Variants in TCF4 observed in about 807,000 individuals in gnomAD.
TCF4 encodes SL3-3 enhancer factor 2.
TCF4 carries 3 observed loss-of-function variants against 82.1 expected under a neutral mutation model. The observed-to-expected ratio is 0.04, with a 90% CI of 0.02 to 0.09. The LOEUF (loss-of-function observed/expected upper bound fraction) is 0.09. Among genes scored for constraint, TCF4 ranks in the 10% least tolerant of loss-of-function variants. The pLI is 1.00. For synonymous variants in TCF4, 276 were observed against 309.6 expected (o/e 0.89, Z 1.14); for missense variants, 518 against 852.7 (o/e 0.61, Z 4.89).
intron 8 of TCF4, among the ~76,000 whole-genome samples, chr18:55,284,661 C>T (rs1266225190): frequency 6.6e-6 from 1 of 152,070 alleles, no homozygotes; most frequent in East Asian, 1.9e-4. Flanking sequence ...ATATACTTTC[C>T]AAAGAAAAAT....
intron 15 of TCF4, among the ~76,000 whole-genome samples, chr18:55,241,063 T>C (rs766064116): frequency 5.9e-5 from 9 of 152,236 alleles, no homozygotes; most frequent in Non-Finnish European, 1.0e-4. Context: ...ATGATCTAAA[T>C]GATCCTGACC....
intron 6 of TCF4, among the ~76,000 whole-genome samples, chr18:55,365,628 A>C (rs1325752023): frequency 4.6e-5 from 7 of 151,980 alleles, no homozygotes; most frequent in Admixed American, 4.6e-4. Flanking sequence ...GGCTGGGCAC[A>C]GTGGCTCATG....
intron 3 of TCF4, among the ~76,000 whole-genome samples, chr18:55,502,328 A>G (rs998397723): frequency 9.9e-5 from 15 of 152,244 alleles, no homozygotes; most frequent in African/African-American, 3.6e-4. Context: ...TTAGAGATCC[A>G]AAGACCAATA....
chr18:55,413,160 T>C (rs2958161), intron 5 of TCF4, among the ~76,000 whole-genome samples: 38,520 of 152,058 alleles, frequency 0.25, 5,150 homozygotes, highest in East Asian at 0.48. Context: ...ATACGGTATA[T>C]AGATATGTAT....
At chr18:55,403,545 T>G (rs753570836) in intron 5 of TCF4, 27 bp from the exon 6 acceptor site, 4 of 1,613,710 alleles carry the variant, frequency 2.5e-6, no homozygotes, top group Non-Finnish European at 3.4e-6. Context: ...CAAAAAAGTG[T>G]AAATTGTGTT....
chr18:55,612,271 A>G (rs2097707786), intron 2 of TCF4, among the ~76,000 whole-genome samples: 1 of 152,012 alleles, frequency 6.6e-6, no homozygotes, highest in African/African-American at 2.4e-5. Context: ...GGCACTCTTG[A>G]ATTGAGTGAG....
At chr18:55,620,564 T>C (rs1391348582) in intron 2 of TCF4, among the ~76,000 whole-genome samples, 1 of 152,182 alleles carries the variant, frequency 6.6e-6, no homozygotes, top group Non-Finnish European at 1.5e-5. Context: ...TTCTCTGTTC[T>C]ACGAACTCAG....
intron 2 of TCF4, among the ~76,000 whole-genome samples, chr18:55,622,297 A>T: frequency 6.6e-6 from 1 of 151,002 alleles, no homozygotes; most frequent in East Asian, 1.9e-4. Flanking sequence ...TCACGAGGTC[A>T]GGAGATCGAG....
At chr18:55,486,076 T>C (rs2096510250) in intron 3 of TCF4, among the ~76,000 whole-genome samples, 1 of 152,200 alleles carries the variant, frequency 6.6e-6, no homozygotes, top group African/African-American at 2.4e-5. Context: ...TACTTAGAAA[T>C]ATGGGACAGA....
chr18:55,619,070 A>T (rs2097715108), intron 2 of TCF4, among the ~76,000 whole-genome samples: 1 of 152,062 alleles, frequency 6.6e-6, no homozygotes, highest in African/African-American at 2.4e-5. Context: ...AATGTTTAGT[A>T]GAATTCACTA....
In TCF4 at chr18:55,302,320, T is replaced by C. The variant is rs906400811; in HGVS notation, c.550-22664A>G. 6 of 1,128,824 alleles carry C rather than the reference T, an allele frequency of 5.3e-6. No individual in the cohort carries two copies. In the South Asian group the frequency reaches 7.2e-5, roughly 13 times the overall value. The allele number at this position is 1,128,824 out of a possible 1,614,324, so 69.9% of individuals were successfully genotyped here. ...GAAGACAGAAGTAGTGCAAAGCAAA[T>C]GGGTAACATACAAGTCAAAGCAGCA... On this transcript the variant is annotated intron_variant, in intron 8 of 19. Transcript: ENST00000354452.
At chr18:55,378,738 A>G (rs2091344452) in intron 6 of TCF4, among the ~76,000 whole-genome samples, 2 of 152,242 alleles carry the variant, frequency 1.3e-5, no homozygotes, top group Admixed American at 1.3e-4. Context: ...TACACATGGT[A>G]CACAGAAAAC....
chr18:55,286,484 G>T (rs1398983128), intron 8 of TCF4, among the ~76,000 whole-genome samples: 1 of 152,122 alleles, frequency 6.6e-6, no homozygotes, highest in African/African-American at 2.4e-5. Context: ...CCAGGCTCCT[G>T]ACTTCTCTGC....
intron 1 of TCF4, among the ~76,000 whole-genome samples, chr18:55,587,594 TCGCACA>T (rs896163791): frequency 6.6e-6 from 1 of 150,800 alleles, no homozygotes; most frequent in Non-Finnish European, 1.5e-5. Flanking sequence ...ACACTCACAC[TCGCACA>T]CGCACACACA....
chr18:55,425,517 A>G (rs1235546297), intron 5 of TCF4, among the ~76,000 whole-genome samples: 1 of 27,322 alleles, frequency 3.7e-5, no homozygotes, highest in African/African-American at 6.1e-5. Context: ...GAAGTCAAGG[A>G]AAAAAAAAAA....
At chr18:55,380,451 T>C (rs2091705695) in intron 6 of TCF4, among the ~76,000 whole-genome samples, 1 of 151,988 alleles carries the variant, frequency 6.6e-6, no homozygotes, top group Non-Finnish European at 1.5e-5. Flanking sequence ...CCAGTGTGTC[T>C]TCCTCTTCTT....
At chr18:55,592,306 C>T (rs963875026), upstream of TCF4, among the ~76,000 whole-genome samples, 3 of 152,190 alleles carry the variant, frequency 2.0e-5, no homozygotes, top group Non-Finnish European at 4.4e-5. Flanking sequence ...TTGTTTTTCA[C>T]ACCCCTGGAG....
At chr18:55,383,267 G>C (rs1478723761) in intron 6 of TCF4, among the ~76,000 whole-genome samples, 2 of 152,200 alleles carry the variant, frequency 1.3e-5, no homozygotes, top group African/African-American at 4.8e-5. Flanking sequence ...AATGATGAAG[G>C]CTTGCTAAGT....
chr18:55,547,801 T>C (rs577400154), intron 3 of TCF4, among the ~76,000 whole-genome samples: 1 of 152,290 alleles, frequency 6.6e-6, no homozygotes, highest in South Asian at 2.1e-4. Flanking sequence ...CAGGCCTCTT[T>C]AGAAAACAAA....
Sources: gnomAD v4.1 joint callset for allele counts (sites outside exome capture counted in the v4.1 genomes callset) on GRCh38, gnomAD v4.1.1 for gene constraint, MANE v1.5 for transcripts, NCBI Gene and HGNC (gene_info 2026-07-23, HGNC 2026-07-21) for gene names.